JCAD: variants seen among roughly 807,000 people sequenced by gnomAD.
JCAD encodes junctional cadherin 5-associated protein.
In JCAD, 40 loss-of-function variants were observed where a neutral mutation model predicts 98.0. That is an observed-to-expected ratio of 0.41 (90% CI 0.32 to 0.53). The LOEUF is 0.53. JCAD is among the 20% of genes least tolerant of loss of function. The pLI is 0.31. For missense variants in JCAD, 1,705 were observed against 1,738.1 expected, an observed-to-expected ratio of 0.98 and a Z score of 0.34; for synonymous variants, 691 against 682.3, an observed-to-expected ratio of 1.01 and a Z score of -0.20.
Position 30,020,004 on chromosome 10 carries a change from A to G in JCAD, c.4046-2087T>C, listed in dbSNP as rs568242680. Among the ~76,000 whole-genome samples, 4 of 151,150 alleles carry G rather than the reference A, an allele frequency of 2.6e-5. No homozygotes were observed. In the East Asian group the frequency reaches 5.8e-4, roughly 22 times the overall value. On this transcript the variant is annotated intron_variant, in intron 3 of 3. Transcript: ENST00000375377. ...GTGATTCACTTAAAAAAAAAAAAAA[A>G]GGAAATCTGGAAGTATCTGAAAAGT...
chr10:30,034,222 CAAT>C (rs71023540), intron 2 of JCAD, among the ~76,000 whole-genome samples: 177 of 149,254 alleles, frequency 1.2e-3, no homozygotes, highest in East Asian at 3.3e-3. Context: ...GACTCCATCT[CAAT>C]AATAATAATA....
chr10:30,095,794 G>T (rs751925767), intron 1 of JCAD, among the ~76,000 whole-genome samples: 9 of 152,080 alleles, frequency 5.9e-5, no homozygotes, highest in Admixed American at 2.0e-4. Context: ...AAGCCTTAGA[G>T]CCTTCTATAA....
intron 1 of JCAD, among the ~76,000 whole-genome samples, chr10:30,094,010 C>T (rs1287609454): frequency 6.6e-6 from 1 of 152,142 alleles, no homozygotes; most frequent in African/African-American, 2.4e-5. Flanking sequence ...CTTTGCTCGG[C>T]TCATGAGGAC....
chr10:30,057,530 C>T (rs1837598072), intron 1 of JCAD, among the ~76,000 whole-genome samples: 1 of 152,160 alleles, frequency 6.6e-6, no homozygotes, highest in African/African-American at 2.4e-5. Context: ...TTTGTCAAGT[C>T]ATCCAGAGCA....
At chr10:30,058,193 G>C (rs555876250) in intron 1 of JCAD, among the ~76,000 whole-genome samples, 7 of 152,260 alleles carry the variant, frequency 4.6e-5, no homozygotes, top group Non-Finnish European at 1.0e-4. Context: ...AATCTGAAAA[G>C]ACAAAAGACC....
chr10:30,032,826 C>T (rs903863309), intron 2 of JCAD, among the ~76,000 whole-genome samples: 1 of 152,154 alleles, frequency 6.6e-6, no homozygotes. Context: ...GCTGCTTACA[C>T]GGTGGTTGCT....
intron 1 of JCAD, among the ~76,000 whole-genome samples, chr10:30,092,127 A>ATATATATATATATATATATATAT (rs1589715617): frequency 2.5e-5 from 2 of 80,902 alleles, no homozygotes; most frequent in African/African-American, 5.8e-5. Flanking sequence ...TATATATATA[A>ATATATATATATATATATATATAT]AAAACATTTT....
At chr10:30,075,185 T>C (rs1431276433) in intron 1 of JCAD, among the ~76,000 whole-genome samples, 1 of 152,238 alleles carries the variant, frequency 6.6e-6, no homozygotes, top group Non-Finnish European at 1.5e-5. Context: ...TATTCTTCTA[T>C]GAAGGAAAAG....
chr10:30,052,566 C>A (rs2132649885), intron 1 of JCAD, among the ~76,000 whole-genome samples: 1 of 152,274 alleles, frequency 6.6e-6, no homozygotes, highest in Admixed American at 6.5e-5. Context: ...GGATAAATGG[C>A]CACCCACTGA....
intron 1 of JCAD, among the ~76,000 whole-genome samples, chr10:30,087,266 T>A (rs1728038495): frequency 6.6e-6 from 1 of 151,604 alleles, no homozygotes; most frequent in Admixed American, 6.6e-5. Context: ...ATGGTGAAAC[T>A]CTGTCTCTAC....
chr10:30,019,739 A>G (rs56797557), intron 3 of JCAD, among the ~76,000 whole-genome samples: 4,047 of 152,162 alleles, frequency 0.027, 191 homozygotes, highest in African/African-American at 0.093. Context: ...TACACTTGGA[A>G]TTTGCTGATA....
chr10:30,048,175 T>C (rs1240893234), intron 1 of JCAD, among the ~76,000 whole-genome samples: 2 of 152,280 alleles, frequency 1.3e-5, no homozygotes, highest in East Asian at 1.9e-4. Context: ...TGATTAACAC[T>C]GTCCACCTTC....
intron 1 of JCAD, among the ~76,000 whole-genome samples, chr10:30,079,857 T>C (rs1351103117): frequency 2.0e-5 from 3 of 152,234 alleles, no homozygotes; most frequent in Non-Finnish European, 4.4e-5. Context: ...CATGAGAATA[T>C]GTTATAAAAA....
chr10:30,031,549 C>A (rs1483023935), intron 2 of JCAD, among the ~76,000 whole-genome samples: 3 of 145,750 alleles, frequency 2.1e-5, no homozygotes, highest in African/African-American at 7.7e-5. Context: ...GCAAGCAATT[C>A]TTGTGCCTCA....
chr10:30,022,318 T>TGTTC (rs1836676374), intron 3 of JCAD, among the ~76,000 whole-genome samples: 4 of 152,156 alleles, frequency 2.6e-5, no homozygotes, highest in Non-Finnish European at 5.9e-5. Context: ...GAACAGATGC[T>TGTTC]TGAATTTAAA....
intron 1 of JCAD, among the ~76,000 whole-genome samples, chr10:30,054,241 G>A (rs74132239): frequency 0.016 from 2,395 of 152,238 alleles, 72 homozygotes; most frequent in African/African-American, 0.054. Flanking sequence ...ATATGTACTT[G>A]AAAGGGGAAA....
upstream of JCAD, among the ~76,000 whole-genome samples, chr10:30,062,688 G>A (rs1197930074): frequency 6.6e-6 from 1 of 152,190 alleles, no homozygotes; most frequent in Non-Finnish European, 1.5e-5. Context: ...GCCTTACGTG[G>A]CAGCAGGCAA....
intron 2 of JCAD, among the ~76,000 whole-genome samples, chr10:30,065,689 C>T (rs573602102): frequency 3.3e-5 from 5 of 151,962 alleles, no homozygotes; most frequent in Non-Finnish European, 4.4e-5. Context: ...TCTGCGGAGA[C>T]GGGCTCTCCC....
chr10:30,065,773 T>C (rs1043837365), intron 2 of JCAD, among the ~76,000 whole-genome samples: 1 of 152,130 alleles, frequency 6.6e-6, no homozygotes, highest in African/African-American at 2.4e-5. Context: ...AGTGGTGGGA[T>C]TAGAGGCATG....
Sources: allele counts gnomAD v4.1 joint callset (sites outside exome capture counted in the v4.1 genomes callset), GRCh38; gene constraint gnomAD v4.1.1; transcripts MANE v1.5; gene names NCBI Gene and HGNC (gene_info 2026-07-23, HGNC 2026-07-21).